RIMS2: variants seen among roughly 807,000 people sequenced by gnomAD.
RIMS2 encodes the protein regulating synaptic membrane exocytosis protein 2.
A neutral mutation model predicts 174.4 loss-of-function variants in RIMS2; 59 were observed. That is an observed-to-expected ratio of 0.34 (90% confidence interval 0.27 to 0.42). The LOEUF is 0.42. RIMS2 is among the 10% of genes least tolerant of loss of function. RIMS2 has a pLI of 1.00. For missense variants in RIMS2, 1,620 were observed against 1,666.3 expected (o/e 0.97, Z 0.48); for synonymous variants, 606 against 572.5 (o/e 1.06, Z -0.84).
chr8:103,977,963 G>T (rs563148538), intron 16 of RIMS2, among the ~76,000 whole-genome samples: 6 of 152,330 alleles, frequency 3.9e-5, no homozygotes, highest in African/African-American at 1.2e-4. Context: ...CTGTAGGTCA[G>T]TAGGTGGGGC....
chr8:103,752,964 A>G (rs1033690309), intron 2 of RIMS2, among the ~76,000 whole-genome samples: 3 of 151,852 alleles, frequency 2.0e-5, no homozygotes, highest in Non-Finnish European at 4.4e-5. Context: ...AGAACTTCCA[A>G]CACTATGTTG....
chr8:103,697,558 A>AC (rs1448584368), intron 2 of RIMS2, among the ~76,000 whole-genome samples: 1 of 150,952 alleles, frequency 6.6e-6, no homozygotes, highest in African/African-American at 2.4e-5. Context: ...AAAAAAAAAA[A>AC]ACAAAAAAAA....
chr8:103,520,232 G>A (rs946716412), intron 1 of RIMS2, among the ~76,000 whole-genome samples: 2 of 152,110 alleles, frequency 1.3e-5, no homozygotes, highest in Non-Finnish European at 2.9e-5. Context: ...TTCAATAAAT[G>A]TTAAAAGGAA....
At chr8:103,500,650 G>GC, upstream of RIMS2, 1 of 460,950 alleles carries the variant, frequency 2.2e-6, no homozygotes, top group East Asian at 3.6e-5. Context: ...ACAGCCCTTC[G>GC]CCCCCGGGAA....
At chr8:103,568,268 A>G (rs1315784061) in intron 1 of RIMS2, among the ~76,000 whole-genome samples, 2 of 152,184 alleles carry the variant, frequency 1.3e-5, no homozygotes, top group Non-Finnish European at 2.9e-5. Flanking sequence ...GCTGCACTCC[A>G]GCCTGGGTGA....
intron 1 of RIMS2, among the ~76,000 whole-genome samples, chr8:103,580,471 A>G (rs1227771825): frequency 6.6e-6 from 1 of 151,404 alleles, no homozygotes; most frequent in African/African-American, 2.4e-5. Context: ...GTGTGTGTGT[A>G]AAATGATAAA....
chr8:104,194,344 C>T (rs188956283), intron 19 of RIMS2, among the ~76,000 whole-genome samples: 39 of 152,154 alleles, frequency 2.6e-4, no homozygotes, highest in Admixed American at 2.6e-3. Context: ...GCATTATTTA[C>T]TTTCTGTGCT....
intron 3 of RIMS2, among the ~76,000 whole-genome samples, chr8:103,841,613 T>A (rs899823770): frequency 6.6e-6 from 1 of 152,186 alleles, no homozygotes; most frequent in Non-Finnish European, 1.5e-5. Context: ...TACAGATGGT[T>A]CTGATGTTTC....
intron 10 of RIMS2, among the ~76,000 whole-genome samples, chr8:103,923,383 T>C (rs574584848): frequency 6.6e-6 from 1 of 151,960 alleles, no homozygotes; most frequent in Admixed American, 6.6e-5. Flanking sequence ...CTTTGTTATC[T>C]CATTTGAATC....
chr8:104,147,964 A>C (rs2098656122), intron 19 of RIMS2, among the ~76,000 whole-genome samples: 1 of 152,228 alleles, frequency 6.6e-6, no homozygotes, highest in Admixed American at 6.5e-5. Flanking sequence ...CTTTCAAAAG[A>C]GTGCAAGAAG....
chr8:104,248,399 C>T (rs1316880952), intron 20 of RIMS2, among the ~76,000 whole-genome samples: 1 of 152,128 alleles, frequency 6.6e-6, no homozygotes, highest in Admixed American at 6.5e-5. Context: ...GGAGTAAGTG[C>T]TCAATATGTG....
chr8:103,818,330 C>T (rs190654448), intron 3 of RIMS2, among the ~76,000 whole-genome samples: 6 of 152,234 alleles, frequency 3.9e-5, no homozygotes, highest in African/African-American at 1.4e-4. Flanking sequence ...TACTAAGCAT[C>T]TCTGCAAGTG....
intron 1 of RIMS2, among the ~76,000 whole-genome samples, chr8:103,521,683 G>A (rs912728252): frequency 6.6e-6 from 1 of 151,664 alleles, no homozygotes; most frequent in African/African-American, 2.4e-5. Flanking sequence ...TTTTGCTCCG[G>A]TGTCATGCCA....
At chr8:103,733,621 T>C (rs2097641163) in intron 2 of RIMS2, among the ~76,000 whole-genome samples, 1 of 152,208 alleles carries the variant, frequency 6.6e-6, no homozygotes, top group African/African-American at 2.4e-5. Context: ...CTCTTCTGGC[T>C]AGAACTGGTC....
chr8:103,687,088 AT>A (rs2096949860), intron 1 of RIMS2, among the ~76,000 whole-genome samples: 1 of 152,080 alleles, frequency 6.6e-6, no homozygotes, highest in African/African-American at 2.4e-5. Flanking sequence ...AGAGTTTTAG[AT>A]TTGAAAGGTT....
At chr8:104,193,809 T>C (rs897111681) in intron 19 of RIMS2, among the ~76,000 whole-genome samples, 2 of 152,240 alleles carry the variant, frequency 1.3e-5, no homozygotes, top group African/African-American at 2.4e-5. Flanking sequence ...TTCCTATTCC[T>C]AACCCTTGCT....
At chr8:103,532,134 G>A (rs569227974) in intron 1 of RIMS2, among the ~76,000 whole-genome samples, 2 of 152,206 alleles carry the variant, frequency 1.3e-5, no homozygotes, top group Non-Finnish European at 2.9e-5. Context: ...TTCCCAGTTA[G>A]ATCATCTTCT....
intron 19 of RIMS2, among the ~76,000 whole-genome samples, chr8:104,018,974 GAAAGGATTTTAAAACTTA>G (rs1223013880): frequency 6.6e-6 from 1 of 151,902 alleles, no homozygotes; most frequent in East Asian, 1.9e-4. Context: ...TAATGTTCTT[GAAAGGATTTTAAAACTTA>G]AAAGATCCCA....
intron 1 of RIMS2, among the ~76,000 whole-genome samples, chr8:103,630,264 C>G (rs967428402): frequency 2.0e-5 from 3 of 151,484 alleles, no homozygotes; most frequent in African/African-American, 7.3e-5. Context: ...GATTTCTCAT[C>G]AAAACCCATA....
Sources: allele counts gnomAD v4.1 joint callset (sites outside exome capture counted in the v4.1 genomes callset), GRCh38; gene constraint gnomAD v4.1.1; transcripts MANE v1.5; gene names NCBI Gene and HGNC (gene_info 2026-07-23, HGNC 2026-07-21).